CFAP36: variants seen among roughly 807,000 people sequenced by gnomAD.
CFAP36 encodes the protein cilia- and flagella-associated protein 36.
CFAP36 carries 37 observed loss-of-function variants against 50.5 expected under a neutral mutation model. The ratio of observed to expected loss-of-function variants is 0.73; its 90% CI spans 0.56 to 0.96. The LOEUF (loss-of-function observed/expected upper bound fraction) is 0.96. CFAP36 is among the 50% of genes least tolerant of loss of function. The pLI is 0.00. For missense variants in CFAP36, 407 were observed against 396.2 expected (o/e 1.03, Z -0.23); for synonymous variants, 138 against 128.2 (o/e 1.08, Z -0.52).
chr2:55,523,612 A>T, intron 2 of CFAP36, 109 bp from the exon 3 acceptor site: 1 of 611,404 alleles, frequency 1.6e-6, no homozygotes, highest in Non-Finnish European at 2.8e-6. Context: ...TATGTAGATT[A>T]ATATTTGCAA....
At chr2:55,536,983 T>A (rs750012121) in intron 6 of CFAP36, among the ~76,000 whole-genome samples, 18 of 152,082 alleles carry the variant, frequency 1.2e-4, no homozygotes, top group Non-Finnish European at 2.4e-4. Context: ...CCTCAGGTGA[T>A]CTGCTGGCCT....
chr2:55,533,550 C>G (rs1684404782), intron 4 of CFAP36, among the ~76,000 whole-genome samples: 2 of 151,712 alleles, frequency 1.3e-5, no homozygotes, highest in African/African-American at 4.8e-5. Flanking sequence ...TAAAAATTAG[C>G]TGGGTGTGGT....
chr2:55,544,829 C>G (rs1239349145), intron 9 of CFAP36, 78 bp from the exon 10 acceptor site: 3 of 894,056 alleles, frequency 3.4e-6, no homozygotes, highest in South Asian at 1.7e-5. Context: ...GATTTTTGTT[C>G]ATTTGAGGCA....
intron 6 of CFAP36, among the ~76,000 whole-genome samples, chr2:55,537,104 T>C (rs1308371604): frequency 6.6e-6 from 1 of 152,174 alleles, no homozygotes; most frequent in African/African-American, 2.4e-5. Context: ...AGGCCAGACG[T>C]GGTGGCTCAC....
At chr2:55,541,935 C>T (rs1381580714) in intron 7 of CFAP36, among the ~76,000 whole-genome samples, 1 of 152,116 alleles carries the variant, frequency 6.6e-6, no homozygotes, top group Non-Finnish European at 1.5e-5. Flanking sequence ...TCTTATTTGA[C>T]AGAAAAACAG....
chr2:55,536,576 A>T (rs1453516475), intron 6 of CFAP36, among the ~76,000 whole-genome samples: 1 of 142,858 alleles, frequency 7.0e-6, no homozygotes, highest in East Asian at 2.1e-4. Context: ...TCAGCCTCCC[A>T]AGTAGGTGGG....
At chr2:55,538,746 CTTT>C (rs35188812) in intron 7 of CFAP36, 8 of 1,253,174 alleles carry the variant, frequency 6.4e-6, no homozygotes, top group Admixed American at 2.3e-5. Context: ...CCCATCCCTT[CTTT>C]TTTTTTTTTT....
intron 4 of CFAP36, among the ~76,000 whole-genome samples, chr2:55,530,047 T>C (rs918769814): frequency 1.3e-5 from 2 of 152,182 alleles, no homozygotes; most frequent in African/African-American, 4.8e-5. Context: ...AACAATGATA[T>C]GGTTTGGCTG....
chr2:55,533,867 G>A lies in CFAP36; in HGVS notation c.398-6G>A. 6.3e-7 allele frequency: 1 copy of A among 1,585,146 alleles called. No individual in the cohort carries two copies. Among genetic ancestry groups the A allele is most frequent in the Non-Finnish European group, 8.6e-7 (1 of 1,161,934 alleles). ...ACTATTTCATGTGGTCTTTGGTTTT[G>A]AACAGGTGTATTACCTGACTGCTTA... On this transcript the variant is annotated splice_polypyrimidine_tract_variant and splice_region_variant and intron_variant, in intron 4 of 9. Coordinates refer to ENST00000349456, the MANE Select transcript of CFAP36 (RefSeq NM_080667.7).
At chr2:55,536,663 G>C (rs1311573264) in intron 6 of CFAP36, among the ~76,000 whole-genome samples, 2 of 151,676 alleles carry the variant, frequency 1.3e-5, no homozygotes, top group Non-Finnish European at 2.9e-5. Flanking sequence ...TGTTGGCCAA[G>C]CTGCTCTTGA....
intron 4 of CFAP36, among the ~76,000 whole-genome samples, chr2:55,531,433 G>A (rs1371525857): frequency 6.6e-6 from 1 of 152,168 alleles, no homozygotes; most frequent in East Asian, 1.9e-4. Context: ...GCCTTAGGCT[G>A]TCAGTAACAG....
chr2:55,523,939 G>T, intron 3 of CFAP36, 117 bp downstream of exon 3: 1 of 607,488 alleles, frequency 1.6e-6, no homozygotes, highest in Non-Finnish European at 2.7e-6. Context: ...ATTGTGAGAG[G>T]TAGAAAGATA....
At chr2:55,537,955 G>T (rs1415789177) in intron 7 of CFAP36, among the ~76,000 whole-genome samples, 1 of 152,184 alleles carries the variant, frequency 6.6e-6, no homozygotes, top group Admixed American at 6.5e-5. Context: ...AACTTGGAAA[G>T]ATAATATTAA....
chr2:55,542,371 A>T (rs1684659382), intron 7 of CFAP36, among the ~76,000 whole-genome samples: 1 of 152,246 alleles, frequency 6.6e-6, no homozygotes, highest in African/African-American at 2.4e-5. Context: ...ATCACTTCGT[A>T]CAAAGTGATG....
In CFAP36 at chr2:55,543,807, A is replaced by G. The variant is rs375795436; in HGVS notation, c.641-131A>G. Reference sequence around the variant, plus strand: ...GTGGCTGGCACAGTATAGGCACTGAATATATGTTGACTGAATGACTATGAG... The same window carrying G: ...GTGGCTGGCACAGTATAGGCACTGAGTATATGTTGACTGAATGACTATGAG... On this transcript the variant is annotated intron_variant, in intron 7 of 9. Coordinates refer to ENST00000349456, the MANE Select transcript of CFAP36 (RefSeq NM_080667.7). The G allele has an allele frequency of 3.8e-5, 33 of 873,760 alleles. No homozygotes were observed. The East Asian group carries it at 7.2e-4, about 19-fold the overall frequency. 54.1% of individuals were successfully genotyped at this position (873,760 alleles called of 1,614,324 possible). A position where few individuals can be genotyped will look rare whatever the true frequency, so the allele number is the denominator to read the frequency against.
chr2:55,534,066 C>T, intron 5 of CFAP36, 106 bp downstream of exon 5: 1 of 531,870 alleles, frequency 1.9e-6, no homozygotes, highest in Non-Finnish European at 3.3e-6. Flanking sequence ...GCTAAATTCT[C>T]TACTGAAAAC....
At position 55,543,973 on chromosome 2, in the gene CFAP36, C is replaced by A; in HGVS notation, c.676C>A (p.Pro226Thr). The change falls in exon 8 of 10, where the codon CCT (proline) becomes ACT (threonine). Residue 226 changes from proline to threonine, a missense_variant. Transcript: ENST00000349456. ...KMHFANQSIE[P>T]LGRKVERSET... ...GCATTTTGCTAATCAGTCAATAGAA[C>A]CTTTGGGAAGAAAAGTGGAAAGGTC... 6.2e-7 allele frequency: 1 copy of A among 1,613,788 alleles called. No homozygotes were observed. Among genetic ancestry groups the A allele is most frequent in the Non-Finnish European group, 8.5e-7 (1 of 1,179,802 alleles).
At position 55,535,707 on chromosome 2, in the gene CFAP36, T is replaced by G; in HGVS notation, c.486-5T>G. The G allele has an allele frequency of 6.5e-7, 1 of 1,526,734 alleles. No individual in the cohort carries two copies. Among genetic ancestry groups the G allele is most frequent in the South Asian group, 1.3e-5 (1 of 75,454 alleles). The allele number at this position is 1,526,734 out of a possible 1,614,324, so 94.6% of individuals were successfully genotyped here. ...ATCTTTTTATCTTATTTTTGTATAT[T>G]TCAGAAAATCAAAAGAGGAATATGA... On this transcript the variant is annotated splice_polypyrimidine_tract_variant and splice_region_variant and intron_variant, in intron 5 of 9. Transcript: ENST00000349456.
chr2:55,533,714 T>TA (rs1684410843), intron 4 of CFAP36, among the ~76,000 whole-genome samples, 159 bp from the exon 5 acceptor site: 1 of 148,382 alleles, frequency 6.7e-6, no homozygotes, highest in Non-Finnish European at 1.5e-5. Flanking sequence ...AAAAAATATA[T>TA]ATATATATAA....
Sources: gnomAD v4.1 joint callset for allele counts (sites outside exome capture counted in the v4.1 genomes callset) on GRCh38, gnomAD v4.1.1 for gene constraint, MANE v1.5 for transcripts, NCBI Gene and HGNC (gene_info 2026-07-23, HGNC 2026-07-21) for gene names.